KCTD14: variants seen among roughly 807,000 people sequenced by gnomAD.
KCTD14 encodes BTB/POZ domain-containing protein KCTD14.
KCTD14 carries 7 observed loss-of-function variants against 5.9 expected under a neutral mutation model. The ratio of observed to expected loss-of-function variants is 1.19; its 90% CI spans 0.68 to 2.23. KCTD14 has a LOEUF of 2.23. Among genes scored for constraint, KCTD14 ranks in the 30% most tolerant of loss-of-function variants. The probability of loss-of-function intolerance (pLI) is 0.00; values close to 1 mark genes in which losing one functional copy is unlikely to be tolerated. For missense variants in KCTD14, 342 were observed against 332.2 expected, an observed-to-expected ratio of 1.03 and a Z score of -0.23; for synonymous variants, 140 against 133.1, an observed-to-expected ratio of 1.05 and a Z score of -0.36.
chr11:78,023,410 T>C (rs1166086653), upstream of KCTD14: 2 of 666,868 alleles, frequency 3.0e-6, no homozygotes, highest in Non-Finnish European at 5.0e-6. Context: ...CTTCTAAAAG[T>C]TGTTAGGCCC....
At chr11:78,025,987 G>C (rs530293152), upstream of KCTD14, among the ~76,000 whole-genome samples, 1 of 152,216 alleles carries the variant, frequency 6.6e-6, no homozygotes, top group African/African-American at 2.4e-5. Context: ...GTATGTGCTT[G>C]CTGTAAACCA....
At chr11:78,022,798 C>A in intron 1 of KCTD14, 1 of 206,366 alleles carries the variant, frequency 4.8e-6, no homozygotes, top group Non-Finnish European at 9.7e-6. Context: ...CTTCTCCCAC[C>A]GGGAGCAAGG....
chr11:78,023,881 C>T (rs754350391), upstream of KCTD14, among the ~76,000 whole-genome samples: 5 of 152,020 alleles, frequency 3.3e-5, no homozygotes, highest in Admixed American at 1.3e-4. Context: ...GTGAAAGATC[C>T]GCAACACCCA....
At chr11:78,041,044 G>A (rs751975063) in intron 1 of KCTD14, among the ~76,000 whole-genome samples, 1 of 152,182 alleles carries the variant, frequency 6.6e-6, no homozygotes, top group African/African-American at 2.4e-5. Context: ...CGAAGTGGGA[G>A]TTGCCTGGTA....
At chr11:78,039,580 C>A (rs896197795) in intron 1 of KCTD14, among the ~76,000 whole-genome samples, 15 of 151,188 alleles carry the variant, frequency 9.9e-5, no homozygotes, top group Non-Finnish European at 7.4e-5. Context: ...GAGCCTGGGG[C>A]AACATGGTGA....
At chr11:78,021,330 G>T (rs1857300809) in intron 1 of KCTD14, among the ~76,000 whole-genome samples, 2 of 131,032 alleles carry the variant, frequency 1.5e-5, no homozygotes, top group Non-Finnish European at 3.3e-5. Context: ...AAAAAAAAAA[G>T]TTTCCTGCAC....
At chr11:78,040,017 A>C (rs185624271) in intron 1 of KCTD14, among the ~76,000 whole-genome samples, 1 of 152,264 alleles carries the variant, frequency 6.6e-6, no homozygotes, top group East Asian at 1.9e-4. Flanking sequence ...GCTCTTATTC[A>C]GTGTTTCCAA....
At position 78,016,635 on chromosome 11, in the gene KCTD14, T is replaced by C. The variant is rs768285956; in HGVS notation, c.726A>G (p.Glu242=). The C allele has an allele frequency of 3.7e-6, 6 of 1,614,128 alleles. No individual in the cohort carries two copies. The highest frequency in any genetic ancestry group is 5.1e-6 in the Non-Finnish European group (6 of 1,179,980). The part of the protein sequence containing the change: ...FYLTYPTKRN[E]FHFNIYSFTF... ...TGAATGAATAAATGTTAAAATGGAA[T>C]TCGTTTCTTTTGGTGGGGTACGTCA... is the stretch of plus-strand genomic sequence containing the variant. The change falls in exon 2 of 2, where the codon GAA becomes GAG. Residue 242 remains glutamate, a synonymous_variant. Coordinates refer to ENST00000353172, the MANE Select transcript of KCTD14 (RefSeq NM_023930.4).
intron 2 of KCTD14, chr11:78,038,615 C>T: frequency 6.5e-7 from 1 of 1,532,338 alleles, no homozygotes; most frequent in South Asian, 1.2e-5. Flanking sequence ...TCTCCACCAT[C>T]TCACACAGCC....
Position 78,017,092 on chromosome 11 carries a change from A to C in KCTD14, c.269T>G (p.Leu90Arg). The C allele has an allele frequency of 6.2e-7, 1 of 1,614,248 alleles. No homozygotes were observed. Among genetic ancestry groups the C allele is most frequent in the South Asian group, 1.1e-5 (1 of 91,084 alleles). The change falls in exon 2 of 2, where the codon CTG becomes CGG. Residue 90 changes from leucine (L) to arginine (R), a missense_variant. By Grantham distance (102) the Leu-to-Arg change is moderately radical (BLOSUM62 -2). Transcript: ENST00000353172. Reference protein sequence around the residue: ...DRPSTYFRPILDYLRTGQVPT... With the variant: ...DRPSTYFRPIRDYLRTGQVPT... ...CACTTGCCCAGTGCGCAGGTAGTCC[A>C]GGATGGGTCTGAAATAGGTGCTGGG...
chr11:78,026,397 C>T (rs546945314), upstream of KCTD14, among the ~76,000 whole-genome samples: 7 of 151,894 alleles, frequency 4.6e-5, no homozygotes, highest in African/African-American at 7.3e-5. Flanking sequence ...GAGCTGAGAT[C>T]GCACCATTAC....
At chr11:78,021,217 G>C (rs1023728377) in intron 1 of KCTD14, among the ~76,000 whole-genome samples, 5 of 141,654 alleles carry the variant, frequency 3.5e-5, no homozygotes, top group African/African-American at 1.0e-4. Flanking sequence ...AGAATTGCTT[G>C]AACCCGGAAG....
chr11:78,031,098 A>G lies in KCTD14; in HGVS notation c.-1+7566T>C, dbSNP rs186726985. 2.1e-4 allele frequency among the ~76,000 whole-genome samples: 29 copies of G among 138,414 alleles called. No individual in the cohort carries two copies. In the East Asian group the frequency reaches 5.7e-3, roughly 27 times the overall value. The allele number at this position is 138,414 out of a possible 152,430, so 90.8% of individuals were successfully genotyped here. A position where few individuals can be genotyped will look rare whatever the true frequency, so the allele number is the denominator to read the frequency against. On this transcript the variant is annotated intron_variant, in intron 2 of 2. Transcript: ENST00000533144. ...AATCTCACTCTGTCACCCAGACTCT[A>G]GGCTGGAGTGCAGTGTCACTAACAT...
intron 1 of KCTD14, among the ~76,000 whole-genome samples, chr11:78,021,404 G>GT (rs1246646223): frequency 6.8e-6 from 1 of 146,666 alleles, no homozygotes; most frequent in Non-Finnish European, 1.5e-5. Context: ...GCTTCTTTTT[G>GT]TTTTTTGTTT....
chr11:78,025,242 C>G (rs1254011275), upstream of KCTD14, among the ~76,000 whole-genome samples: 1 of 150,444 alleles, frequency 6.6e-6, no homozygotes, highest in East Asian at 2.0e-4. Flanking sequence ...GAGAGCCAGT[C>G]CGAGTTCCAA....
chr11:78,022,187 T>C (rs1316965425), intron 1 of KCTD14, among the ~76,000 whole-genome samples: 1 of 152,124 alleles, frequency 6.6e-6, no homozygotes. Flanking sequence ...GGTAGGAGGA[T>C]TGCCTGAGCC....
intron 2 of KCTD14, among the ~76,000 whole-genome samples, chr11:78,034,828 T>C (rs989938736): frequency 6.6e-6 from 1 of 152,154 alleles, no homozygotes; most frequent in African/African-American, 2.4e-5. Context: ...AGGTACACTG[T>C]AGTGAACATG....
chr11:78,023,305 A>T (rs1857358824), upstream of KCTD14: 1 of 1,566,510 alleles, frequency 6.4e-7, no homozygotes, highest in South Asian at 1.1e-5. Flanking sequence ...AGGTGGGAAC[A>T]CCGAGGCTCA....
intron 2 of KCTD14, among the ~76,000 whole-genome samples, chr11:78,034,633 C>CT (rs1310255222): frequency 2.0e-5 from 3 of 152,034 alleles, no homozygotes; most frequent in Non-Finnish European, 4.4e-5. Context: ...CAAATCTCGT[C>CT]TTTTTGCTGG....
Sources: allele counts gnomAD v4.1 joint callset (sites outside exome capture counted in the v4.1 genomes callset), GRCh38; gene constraint gnomAD v4.1.1; transcripts MANE v1.5; gene names NCBI Gene and HGNC (gene_info 2026-07-23, HGNC 2026-07-21).